FHIT: variants seen among roughly 807,000 people sequenced by gnomAD.
The protein encoded by FHIT is bis(5'-adenosyl)-triphosphatase.
A neutral mutation model predicts 17.9 loss-of-function variants in FHIT; 19 were observed. The observed-to-expected ratio is 1.06, with a 90% CI of 0.74 to 1.56. The LOEUF is 1.56. Among genes scored for constraint, FHIT ranks in the 40% most tolerant of loss-of-function variants. The probability of loss-of-function intolerance (pLI) is 0.00; values close to 1 mark genes in which losing one functional copy is unlikely to be tolerated. For synonymous variants in FHIT, 81 were observed against 69.7 expected (o/e 1.16, Z -0.81); for missense variants, 248 against 189.2 (o/e 1.31, Z -1.82).
chr3:60,950,048 T>C (rs1708809692), intron 3 of FHIT, among the ~76,000 whole-genome samples: 1 of 152,206 alleles, frequency 6.6e-6, no homozygotes, highest in Non-Finnish European at 1.5e-5. Context: ...CTTAGTGACG[T>C]TGTAGTTGTC....
chr3:60,537,956 G>A, intron 4 of FHIT, among the ~76,000 whole-genome samples: 1 of 85,022 alleles, frequency 1.2e-5, no homozygotes, highest in African/African-American at 5.3e-5. Context: ...GAAAATAGTT[G>A]GCTATTTGTG....
intron 5 of FHIT, among the ~76,000 whole-genome samples, chr3:60,441,336 T>C (rs2030780992): frequency 6.6e-6 from 1 of 152,048 alleles, no homozygotes; most frequent in African/African-American, 2.4e-5. Flanking sequence ...TAAAAATGTC[T>C]AGCAATAAAT....
chr3:60,782,632 CT>C (rs782483715), intron 4 of FHIT, among the ~76,000 whole-genome samples: 1 of 152,128 alleles, frequency 6.6e-6, no homozygotes, highest in Non-Finnish European at 1.5e-5. Flanking sequence ...ACTGGCCACA[CT>C]TTTCCCCTGT....
intron 3 of FHIT, among the ~76,000 whole-genome samples, chr3:60,931,801 C>T (rs1707970258): frequency 6.6e-6 from 1 of 152,144 alleles, no homozygotes; most frequent in Non-Finnish European, 1.5e-5. Context: ...ATATAAAGAA[C>T]ACCGGCAGTA....
intron 8 of FHIT, among the ~76,000 whole-genome samples, chr3:59,894,745 T>G (rs1258948299): frequency 6.6e-6 from 1 of 152,208 alleles, no homozygotes; most frequent in African/African-American, 2.4e-5. Flanking sequence ...GGTACATTCT[T>G]GACTTAAAAC....
intron 5 of FHIT, among the ~76,000 whole-genome samples, chr3:60,508,600 T>A (rs2034827141): frequency 6.6e-6 from 1 of 152,168 alleles, no homozygotes; most frequent in Non-Finnish European, 1.5e-5. Flanking sequence ...TATGTCATCT[T>A]TTTGGAAAAG....
intron 2 of FHIT, among the ~76,000 whole-genome samples, chr3:61,151,771 T>C (rs951837866): frequency 2.0e-5 from 3 of 152,082 alleles, no homozygotes; most frequent in Non-Finnish European, 1.5e-5. Context: ...TTTCACCATG[T>C]TGGCCAGGCT....
At chr3:60,563,547 C>A (rs1584339) in intron 4 of FHIT, among the ~76,000 whole-genome samples, 144,707 of 152,316 alleles carry the variant, frequency 0.95, 68,814 homozygotes, top group East Asian at 1. Flanking sequence ...CAAACAGCCA[C>A]GCTGTGAATG....
intron 8 of FHIT, among the ~76,000 whole-genome samples, chr3:59,814,950 C>T (rs1465427139): frequency 6.6e-6 from 1 of 152,188 alleles, no homozygotes; most frequent in African/African-American, 2.4e-5. Flanking sequence ...GTCATGAGTA[C>T]ACATTCCAGC....
rs139511224 is a variant in FHIT at position 60,150,973 on chromosome 3, C to G, written c.104-136821G>C. Among the ~76,000 whole-genome samples, 1,147 of 151,780 alleles carry G rather than the reference C, an allele frequency of 7.6e-3. 16 individuals are homozygous for G. The highest frequency in any genetic ancestry group is 0.026 in the African/African-American group (1,076 of 41,400). Reference sequence around the variant, plus strand: ...AATCAGCATGAACTGAAATTTACTTCACAATGGAATTAAAGACCCCCAACA... The same window carrying G: ...AATCAGCATGAACTGAAATTTACTTGACAATGGAATTAAAGACCCCCAACA... On this transcript the variant is annotated intron_variant, in intron 5 of 9. Transcript: ENST00000492590.
At chr3:60,496,457 T>C (rs1194979160) in intron 5 of FHIT, among the ~76,000 whole-genome samples, 1 of 152,104 alleles carries the variant, frequency 6.6e-6, no homozygotes, top group Non-Finnish European at 1.5e-5. Context: ...GGTACCATCT[T>C]TTACCCACCA....
chr3:59,868,047 T>TTTTAA (rs397964099), intron 8 of FHIT, among the ~76,000 whole-genome samples: 48 of 111,366 alleles, frequency 4.3e-4, no homozygotes, highest in Non-Finnish European at 6.6e-4. Flanking sequence ...TTTTTTTTTT[T>TTTTAA]AAAAAAAAAA....
intron 3 of FHIT, among the ~76,000 whole-genome samples, chr3:60,850,892 T>G (rs552042018): frequency 8.5e-5 from 13 of 152,268 alleles, no homozygotes; most frequent in African/African-American, 2.9e-4. Flanking sequence ...AACCCTGGTA[T>G]AAGGCACACA....
intron 8 of FHIT, among the ~76,000 whole-genome samples, chr3:59,781,306 G>A (rs541063865): frequency 6.6e-6 from 1 of 152,340 alleles, no homozygotes; most frequent in African/African-American, 2.4e-5. Context: ...TATGGCACTT[G>A]ACAGACGGAT....
chr3:59,897,730 C>G (rs796424725), intron 8 of FHIT, among the ~76,000 whole-genome samples: 4 of 152,004 alleles, frequency 2.6e-5, no homozygotes, highest in African/African-American at 9.6e-5. Flanking sequence ...ATCTGAAAAT[C>G]TGAAATGCTC....
intron 2 of FHIT, among the ~76,000 whole-genome samples, chr3:61,092,853 T>C (rs2106818566): frequency 6.6e-6 from 1 of 152,272 alleles, no homozygotes; most frequent in African/African-American, 2.4e-5. Context: ...ATAATAAAAA[T>C]AAATAATAAC....
chr3:59,920,156 T>C (rs533939725), intron 8 of FHIT, among the ~76,000 whole-genome samples: 8 of 152,336 alleles, frequency 5.3e-5, no homozygotes, highest in African/African-American at 1.9e-4. Flanking sequence ...AACTACTATC[T>C]ATTAACAAAT....
chr3:60,357,296 C>T (rs2106974893), intron 5 of FHIT, among the ~76,000 whole-genome samples: 1 of 152,236 alleles, frequency 6.6e-6, no homozygotes, highest in African/African-American at 2.4e-5. Flanking sequence ...CAACCTCTGC[C>T]TTCCAGGTTC....
intron 7 of FHIT, among the ~76,000 whole-genome samples, chr3:59,925,026 T>C (rs1211537357): frequency 2.0e-5 from 3 of 150,020 alleles, no homozygotes; most frequent in Non-Finnish European, 4.4e-5. Context: ...TTTCCTCTTT[T>C]TTTTCCTTCT....
Sources: allele counts gnomAD v4.1 joint callset (sites outside exome capture counted in the v4.1 genomes callset), GRCh38; gene constraint gnomAD v4.1.1; transcripts MANE v1.5; gene names NCBI Gene and HGNC (gene_info 2026-07-23, HGNC 2026-07-21).